The following SEMA6D variants were observed in gnomAD, a reference collection of about 807,000 sequenced individuals.
SEMA6D encodes semaphorin-6D.
A neutral mutation model predicts 106.6 loss-of-function variants in SEMA6D; 35 were observed. The observed-to-expected ratio is 0.33, with a 90% CI of 0.25 to 0.44. SEMA6D has a LOEUF of 0.44. Ranked by LOEUF, SEMA6D falls within the 20% of genes least tolerant of loss-of-function variation. The pLI, the probability that SEMA6D is intolerant of heterozygous loss-of-function variation, is 1.00. For synonymous variants in SEMA6D, 499 were observed against 487.7 expected (o/e 1.02, Z -0.31); for missense variants, 1,185 against 1,345.9 (o/e 0.88, Z 1.87).
Position 47,416,280 on chromosome 15 carries a change from C to T in SEMA6D, c.-159+3808C>T, listed in dbSNP as rs547367770. On this transcript the variant is annotated intron_variant, in intron 2 of 19. Transcript: ENST00000558014. Reference sequence around the variant, plus strand: ...ACCCTCATTTCTACCAATTTGTTCTCCCAAGAGAACAAAAGTAACTAATAG... The same window carrying T: ...ACCCTCATTTCTACCAATTTGTTCTTCCAAGAGAACAAAAGTAACTAATAG... 3.3e-5 allele frequency among the ~76,000 whole-genome samples: 5 copies of T among 152,184 alleles called. No individual in the cohort carries two copies. The South Asian group carries it at 6.2e-4, about 19-fold the overall frequency.
At chr15:47,666,601 A>G (rs1304109601) in intron 4 of SEMA6D, among the ~76,000 whole-genome samples, 1 of 152,154 alleles carries the variant, frequency 6.6e-6, no homozygotes, top group African/African-American at 2.4e-5. Flanking sequence ...ATATACCACT[A>G]AGTGGGTACA....
At chr15:47,441,221 A>T (rs1180107911) in intron 2 of SEMA6D, among the ~76,000 whole-genome samples, 1 of 152,080 alleles carries the variant, frequency 6.6e-6, no homozygotes, top group African/African-American at 2.4e-5. Context: ...CCAGTTCCTG[A>T]CCAAACATTT....
intron 1 of SEMA6D, among the ~76,000 whole-genome samples, chr15:47,300,917 A>C (rs2035994351): frequency 6.6e-6 from 1 of 152,250 alleles, no homozygotes; most frequent in African/African-American, 2.4e-5. Flanking sequence ...AACCACCTGC[A>C]GAGGACTACT....
intron 1 of SEMA6D, among the ~76,000 whole-genome samples, chr15:47,749,355 A>G (rs1242295487): frequency 6.6e-6 from 1 of 152,162 alleles, no homozygotes; most frequent in Non-Finnish European, 1.5e-5. Flanking sequence ...TGCTGGGATT[A>G]CAGACGTGAG....
chr15:47,341,786 G>C (rs182746942), intron 1 of SEMA6D, among the ~76,000 whole-genome samples: 24 of 152,206 alleles, frequency 1.6e-4, no homozygotes, highest in Admixed American at 5.2e-4. Flanking sequence ...GGCTTCAGAG[G>C]GCACTGCTTT....
At chr15:47,594,970 G>A (rs746406976) in intron 3 of SEMA6D, among the ~76,000 whole-genome samples, 19 of 152,124 alleles carry the variant, frequency 1.2e-4, no homozygotes, top group Non-Finnish European at 2.5e-4. Flanking sequence ...GGAGGCTGAA[G>A]TGGTGTAGTG....
chr15:47,425,078 G>A (rs2041286857), intron 2 of SEMA6D, among the ~76,000 whole-genome samples: 1 of 152,070 alleles, frequency 6.6e-6, no homozygotes, highest in African/African-American at 2.4e-5. Flanking sequence ...GTCTTATTAT[G>A]CAGATAAAGT....
Position 47,379,439 on chromosome 15 carries a change from A to G in SEMA6D, c.-238-32954A>G, listed in dbSNP as rs184309638. Among the ~76,000 whole-genome samples, 303 of 152,284 alleles carry G rather than the reference A, an allele frequency of 2.0e-3. 1 individual carries two copies. The highest frequency in any genetic ancestry group is 7.1e-3 in the African/African-American group (294 of 41,558). Reference sequence around the variant, plus strand: ...AGAGAAGAAGCAGTATTTGCCTTAGAAAAATGTGTAGTCTATTTAGGGAGA... The same window carrying G: ...AGAGAAGAAGCAGTATTTGCCTTAGGAAAATGTGTAGTCTATTTAGGGAGA... On this transcript the variant is annotated intron_variant, in intron 1 of 19. Transcript: ENST00000558014.
intron 1 of SEMA6D, among the ~76,000 whole-genome samples, chr15:47,388,703 T>G (rs928568735): frequency 6.6e-6 from 1 of 152,140 alleles, no homozygotes; most frequent in Non-Finnish European, 1.5e-5. Flanking sequence ...CAGGAAGCTT[T>G]CAAGGATATA....
At chr15:47,447,102 G>A (rs1375386432) in intron 2 of SEMA6D, among the ~76,000 whole-genome samples, 1 of 152,058 alleles carries the variant, frequency 6.6e-6, no homozygotes, top group Non-Finnish European at 1.5e-5. Context: ...TCATGGGCAC[G>A]TGCTCTCCTC....
chr15:47,237,750 G>A (rs930858728), intron 1 of SEMA6D, among the ~76,000 whole-genome samples: 4 of 152,016 alleles, frequency 2.6e-5, no homozygotes, highest in Non-Finnish European at 5.9e-5. Context: ...TTAATTGTTT[G>A]TTTTATATAT....
rs2141455734 is a variant in SEMA6D at position 47,492,668 on chromosome 15, T to C, written c.-87+22123T>C. The stretch of plus-strand genomic sequence containing the variant: ...TCTTAAAATTGTACTTAGGATGATA[T>C]TTGGAATGCCATATTCTGTATCTAC... On this transcript the variant is annotated intron_variant, in intron 3 of 19. Transcript: ENST00000558014. Among the ~76,000 whole-genome samples the C allele has an allele frequency of 1.3e-5, 2 of 152,252 alleles. 1 individual carries two copies. Among genetic ancestry groups the C allele is most frequent in the South Asian group, 4.1e-4 (2 of 4,822 alleles).
intron 1 of SEMA6D, among the ~76,000 whole-genome samples, chr15:47,291,893 G>A (rs1290414325): frequency 6.6e-6 from 1 of 152,150 alleles, no homozygotes; most frequent in Admixed American, 6.5e-5. Flanking sequence ...AAGTCAGAGT[G>A]TACAACAGTA....
intron 1 of SEMA6D, among the ~76,000 whole-genome samples, chr15:47,327,623 T>C (rs920643030): frequency 2.6e-5 from 4 of 152,180 alleles, no homozygotes; most frequent in Non-Finnish European, 5.9e-5. Flanking sequence ...AAAAACAAGG[T>C]AAATATTAGA....
chr15:47,226,162 T>C (rs994630445), intron 1 of SEMA6D, among the ~76,000 whole-genome samples: 4 of 152,058 alleles, frequency 2.6e-5, no homozygotes, highest in Non-Finnish European at 4.4e-5. Context: ...ATTAAGGTAA[T>C]GCATCTTCAA....
chr15:47,234,874 T>C (rs141193995), intron 1 of SEMA6D, among the ~76,000 whole-genome samples: 2 of 152,272 alleles, frequency 1.3e-5, no homozygotes, highest in East Asian at 3.9e-4. Context: ...AGTAGTGGGA[T>C]TGCTGAATTG....
intron 4 of SEMA6D, among the ~76,000 whole-genome samples, chr15:47,613,630 A>AC (rs950520172): frequency 1.3e-5 from 2 of 151,614 alleles, no homozygotes; most frequent in African/African-American, 4.8e-5. Context: ...CCATTCAGAG[A>AC]CCCCCAAAAC....
At chr15:47,616,630 G>A (rs2077012645) in intron 4 of SEMA6D, among the ~76,000 whole-genome samples, 1 of 151,722 alleles carries the variant, frequency 6.6e-6, no homozygotes, top group Non-Finnish European at 1.5e-5. Flanking sequence ...TAAGTGTGTA[G>A]GTATTTATGT....
At chr15:47,332,149 A>G (rs974124333) in intron 1 of SEMA6D, among the ~76,000 whole-genome samples, 16 of 152,318 alleles carry the variant, frequency 1.1e-4, no homozygotes, top group African/African-American at 3.8e-4. Context: ...CTAACAAGAC[A>G]TCTTTGGTAA....
Sources: allele counts gnomAD v4.1 joint callset (sites outside exome capture counted in the v4.1 genomes callset), GRCh38; gene constraint gnomAD v4.1.1; transcripts MANE v1.5; gene names NCBI Gene and HGNC (gene_info 2026-07-23, HGNC 2026-07-21).